Variants in EMC3 observed in about 807,000 individuals in gnomAD.
EMC3 encodes the protein ER membrane protein complex subunit 3, also known as 30 kDa protein.
A neutral mutation model predicts 36.6 loss-of-function variants in EMC3; 13 were observed. The ratio of observed to expected loss-of-function variants is 0.35; its 90% CI spans 0.23 to 0.56. The LOEUF (loss-of-function observed/expected upper bound fraction) is 0.56. Among genes scored for constraint, EMC3 ranks in the 20% least tolerant of loss-of-function variants. The pLI is 0.84. For synonymous variants in EMC3, 120 were observed against 111.9 expected, an observed-to-expected ratio of 1.07 and a Z score of -0.46; for missense variants, 220 against 324.5, an observed-to-expected ratio of 0.68 and a Z score of 2.47.
At chr3:9,994,299 G>GT (rs1231909360) in intron 1 of EMC3, 32 of 1,037,388 alleles carry the variant, frequency 3.1e-5, no homozygotes, top group Non-Finnish European at 4.6e-5. Flanking sequence ...ATGTGTTTAT[G>GT]TTTTTTGACA....
At chr3:10,001,405 CAAA>C (rs60785369) in intron 1 of EMC3, among the ~76,000 whole-genome samples, 15 of 79,650 alleles carry the variant, frequency 1.9e-4, no homozygotes, top group African/African-American at 5.3e-4. Context: ...GCTAAAAATA[CAAA>C]AAAAAAAAAA....
chr3:9,971,780 C>A (rs1366417510), intron 5 of EMC3, among the ~76,000 whole-genome samples: 2 of 152,186 alleles, frequency 1.3e-5, no homozygotes, highest in African/African-American at 4.8e-5. Context: ...CAGCCTCTGG[C>A]CTTTCCTGCT....
chr3:9,982,747 C>T (rs1053245703), intron 1 of EMC3, among the ~76,000 whole-genome samples: 8 of 151,830 alleles, frequency 5.3e-5, no homozygotes, highest in South Asian at 4.1e-4. Flanking sequence ...ATTAGCTGAG[C>T]GTGGTGGCAC....
chr3:9,969,737 G>A lies in EMC3; in HGVS notation c.639C>T (p.Asp213=), dbSNP rs1438710119. 31 of 1,614,122 alleles carry A rather than the reference G, an allele frequency of 1.9e-5. No homozygotes were observed. The highest frequency in any genetic ancestry group is 2.6e-5 in the Non-Finnish European group (31 of 1,180,036). ...AGTATACCTTGAAAGCTTTGTTTGT[G>A]TCTGCGGGCATGGCCATGGCTGCTC... ...MTGAAMAMPA[D]TNKAFKTEWE... Residue 213 remains aspartate (D), a synonymous_variant, in exon 7 of 8, where the codon GAC becomes GAT. Coordinates refer to ENST00000245046, the MANE Select transcript of EMC3 (RefSeq NM_001394674.1).
At chr3:10,007,647 G>T (rs771850597) in intron 1 of EMC3, 1 of 1,353,922 alleles carries the variant, frequency 7.4e-7, no homozygotes, top group Admixed American at 2.0e-5. Context: ...GGGGTGGTGG[G>T]AATGGGGGCT....
upstream of EMC3, chr3:9,987,381 GC>G: frequency 1.2e-6 from 1 of 849,324 alleles, no homozygotes; most frequent in Non-Finnish European, 1.4e-6. Context: ...CCAAGCCTCG[GC>G]TTCCTCATCT....
At chr3:9,977,712 A>C (rs2085864528) in intron 1 of EMC3, among the ~76,000 whole-genome samples, 1 of 152,192 alleles carries the variant, frequency 6.6e-6, no homozygotes. Flanking sequence ...GGGACATTAC[A>C]CTCAGCTTTT....
chr3:10,010,791 T>A (rs1171560800), intron 1 of EMC3: 1 of 152,444 alleles, frequency 6.6e-6, no homozygotes, highest in African/African-American at 2.4e-5. Flanking sequence ...ACCCTGAGGG[T>A]CAGCCCGGGG....
At chr3:9,983,275 G>A (rs2124916478) in intron 1 of EMC3, among the ~76,000 whole-genome samples, 1 of 151,878 alleles carries the variant, frequency 6.6e-6, no homozygotes, top group African/African-American at 2.4e-5. Flanking sequence ...AGGCTCCCTA[G>A]TAGCTGGGAT....
chr3:10,007,353 GAGGTCCCC>G (rs1355684355), intron 1 of EMC3: 1 of 1,349,330 alleles, frequency 7.4e-7, no homozygotes, highest in East Asian at 4.6e-5. Context: ...ATCATGCTGA[GAGGTCCCC>G]AGGAGGATCC....
chr3:9,964,368 C>G lies in EMC3; in HGVS notation c.658-171G>C, dbSNP rs183463756. Among the ~76,000 whole-genome samples, 427 of 152,354 alleles carry G rather than the reference C, an allele frequency of 2.8e-3. 3 individuals are homozygous for G. Among genetic ancestry groups the G allele is most frequent in the African/African-American group, 9.8e-3 (409 of 41,578 alleles). On this transcript the variant is annotated intron_variant, in intron 7 of 7. Transcript: ENST00000245046. ...CTGCTACCCCAATCCTCTCCTCCCCCTCTTCCTGCCACCCCTCAATTTATA... is the reference window on the plus strand; with the variant it reads ...CTGCTACCCCAATCCTCTCCTCCCCGTCTTCCTGCCACCCCTCAATTTATA...
intron 5 of EMC3, among the ~76,000 whole-genome samples, chr3:9,973,259 A>G (rs1181803982): frequency 6.6e-6 from 1 of 150,378 alleles, no homozygotes; most frequent in Non-Finnish European, 1.5e-5. Context: ...CAGTGGCGCA[A>G]TCTCAGCTCA....
chr3:9,979,522 C>T (rs181932931), intron 1 of EMC3, among the ~76,000 whole-genome samples: 531 of 152,290 alleles, frequency 3.5e-3, no homozygotes, highest in Non-Finnish European at 5.7e-3. Context: ...AGTCTCTATT[C>T]ATATTCTGTA....
chr3:9,977,494 G>C, intron 1 of EMC3, 48 bp from the exon 2 acceptor site: 2 of 1,554,892 alleles, frequency 1.3e-6, no homozygotes, highest in Non-Finnish European at 1.8e-6. Flanking sequence ...TGAAACACTA[G>C]AAGAAAATGG....
intron 1 of EMC3, among the ~76,000 whole-genome samples, chr3:9,982,759 C>T (rs1024549602): frequency 7.2e-5 from 11 of 151,898 alleles, no homozygotes; most frequent in African/African-American, 2.4e-4. Context: ...TGGTGGCACA[C>T]GCTTATAATC....
intron 1 of EMC3, among the ~76,000 whole-genome samples, chr3:9,981,226 A>C (rs577696422): frequency 6.6e-6 from 1 of 152,298 alleles, no homozygotes; most frequent in Admixed American, 6.5e-5. Flanking sequence ...TGACAAAGCA[A>C]GACCCTGTCC....
rs1334676208 is a variant in EMC3 at position 9,978,617 on chromosome 3, G to T, written c.156-1171C>A. ...GAGGCCGAGGTGGGCGGATCACGAG[G>T]TCAGGAGTTTGAGACCAGCCTTGCC... On this transcript the variant is annotated intron_variant, in intron 1 of 7. Coordinates refer to ENST00000245046, the MANE Select transcript of EMC3 (RefSeq NM_001394674.1). 2.0e-5 allele frequency among the ~76,000 whole-genome samples: 3 copies of T among 152,204 alleles called. No homozygotes were observed. In the East Asian group the frequency reaches 5.8e-4, roughly 29 times the overall value.
intron 5 of EMC3, among the ~76,000 whole-genome samples, chr3:9,971,312 T>C (rs1320697621): frequency 6.6e-6 from 1 of 152,216 alleles, no homozygotes; most frequent in African/African-American, 2.4e-5. Flanking sequence ...AGTTTTGAAC[T>C]ATATCACTGA....
At chr3:9,987,184 A>G, upstream of EMC3, 1 of 938,680 alleles carries the variant, frequency 1.1e-6, no homozygotes, top group Non-Finnish European at 1.3e-6. Flanking sequence ...ACTGCACTCC[A>G]GCCTGGGCGA....
Sources: gnomAD v4.1 joint callset for allele counts (sites outside exome capture counted in the v4.1 genomes callset) on GRCh38, gnomAD v4.1.1 for gene constraint, MANE v1.5 for transcripts, NCBI Gene and HGNC (gene_info 2026-07-23, HGNC 2026-07-21) for gene names.